The following CLEC19A variants were observed in gnomAD, a reference collection of about 807,000 sequenced individuals.
CLEC19A encodes C-type lectin domain containing 19A, also known as C-type lectin domain family 19 member A.
CLEC19A carries 21 observed loss-of-function variants against 26.1 expected under a neutral mutation model. That is an observed-to-expected ratio of 0.80 (90% CI 0.57 to 1.16). The LOEUF is 1.16. Ranked by LOEUF, CLEC19A falls within the 50% of genes most tolerant of loss-of-function variation. The pLI, the probability that CLEC19A is intolerant of heterozygous loss-of-function variation, is 0.00. For missense variants in CLEC19A, 224 were observed against 227.6 expected, an observed-to-expected ratio of 0.98 and a Z score of 0.10; for synonymous variants, 89 against 88.6, an observed-to-expected ratio of 1.00 and a Z score of -0.03.
At chr16:19,302,888 G>T (rs772819166) in intron 2 of CLEC19A, among the ~76,000 whole-genome samples, 1 of 152,098 alleles carries the variant, frequency 6.6e-6, no homozygotes, top group Non-Finnish European at 1.5e-5. Context: ...TAGAAACTTG[G>T]GTCTTCTCCA....
intron 4 of CLEC19A, among the ~76,000 whole-genome samples, chr16:19,308,346 G>T (rs1484876238): frequency 6.6e-6 from 1 of 152,162 alleles, no homozygotes; most frequent in Non-Finnish European, 1.5e-5. Context: ...CAAAGAGAAT[G>T]CCTTAACCTC....
At chr16:19,299,866 C>A (rs1897780501) in intron 2 of CLEC19A, among the ~76,000 whole-genome samples, 1 of 152,152 alleles carries the variant, frequency 6.6e-6, no homozygotes, top group African/African-American at 2.4e-5. Flanking sequence ...CTTCAAGAAT[C>A]TCAGAAACTA....
chr16:19,307,320 G>A (rs1328414513), intron 3 of CLEC19A, among the ~76,000 whole-genome samples: 2 of 152,184 alleles, frequency 1.3e-5, no homozygotes, highest in African/African-American at 2.4e-5. Context: ...AAAGTTCCTG[G>A]CATGGCACAT....
In CLEC19A at chr16:19,307,680, G is replaced by A; in HGVS notation, c.481+3G>A. 1.3e-6 allele frequency: 2 copies of A among 1,548,122 alleles called. No individual in the cohort carries two copies. Among genetic ancestry groups the A allele is most frequent in the South Asian group, 2.4e-5 (2 of 83,952 alleles). On this transcript the variant is annotated splice_donor_region_variant and intron_variant, in intron 4 of 4. Coordinates refer to ENST00000636231, the MANE Select transcript of CLEC19A (RefSeq NM_001256720.2). ...GATATGGTACAGGCCTACCAGTGGTGGGTACCCCTGAGACCAAGGCTCTTG... is the reference window on the plus strand; with the variant it reads ...GATATGGTACAGGCCTACCAGTGGTAGGTACCCCTGAGACCAAGGCTCTTG...
At chr16:19,308,592 T>C (rs1898004289) in intron 4 of CLEC19A, among the ~76,000 whole-genome samples, 1 of 152,218 alleles carries the variant, frequency 6.6e-6, no homozygotes, top group South Asian at 2.1e-4. Context: ...AGCAACTTGT[T>C]CAAGGTCACA....
At chr16:19,287,704 C>T (rs905730008) in intron 1 of CLEC19A, among the ~76,000 whole-genome samples, 3 of 152,136 alleles carry the variant, frequency 2.0e-5, no homozygotes, top group Admixed American at 6.5e-5. Flanking sequence ...AGCTTGTGCC[C>T]ATGGGACCTC....
At chr16:19,295,055 G>T (rs1897676754) in intron 1 of CLEC19A, among the ~76,000 whole-genome samples, 1 of 152,094 alleles carries the variant, frequency 6.6e-6, no homozygotes, top group Admixed American at 6.5e-5. Flanking sequence ...ACTTCCAGTG[G>T]TGATAACCAA....
At chr16:19,297,088 C>CA (rs900154467) in intron 1 of CLEC19A, among the ~76,000 whole-genome samples, 2 of 151,970 alleles carry the variant, frequency 1.3e-5, no homozygotes, top group South Asian at 2.1e-4. Flanking sequence ...TCGTGGTTTC[C>CA]AAAAAAAGTA....
chr16:19,293,216 C>T (rs1290090549), intron 1 of CLEC19A, among the ~76,000 whole-genome samples: 1 of 152,162 alleles, frequency 6.6e-6, no homozygotes, highest in Non-Finnish European at 1.5e-5. Flanking sequence ...TATCTGATCC[C>T]AGCCAATACT....
chr16:19,289,834 A>C (rs1897545043), intron 1 of CLEC19A, among the ~76,000 whole-genome samples: 1 of 152,218 alleles, frequency 6.6e-6, no homozygotes, highest in African/African-American at 2.4e-5. Flanking sequence ...GAGGTGGTAG[A>C]ACCCGTAGGA....
chr16:19,287,542 A>G (rs1200979392), intron 1 of CLEC19A, among the ~76,000 whole-genome samples: 2 of 152,198 alleles, frequency 1.3e-5, no homozygotes, highest in East Asian at 1.9e-4. Context: ...TCACCAATAC[A>G]ATAAGCAAGT....
At chr16:19,303,674 G>C (rs1897882465) in intron 2 of CLEC19A, among the ~76,000 whole-genome samples, 1 of 152,138 alleles carries the variant, frequency 6.6e-6, no homozygotes, top group African/African-American at 2.4e-5. Context: ...AGTTTAAGGA[G>C]GGTCTCTGAG....
At chr16:19,298,532 C>T in intron 1 of CLEC19A, 141 bp from the exon 2 acceptor site, 3 of 861,460 alleles carry the variant, frequency 3.5e-6, no homozygotes, top group African/African-American at 1.7e-5. Flanking sequence ...AACCACTGCA[C>T]TTCAGCCTGG....
In CLEC19A at chr16:19,298,705, C is replaced by T. The variant is rs1441361021; in HGVS notation, c.121C>T (p.Pro41Ser). The T allele has an allele frequency of 1.9e-6, 3 of 1,551,090 alleles. No individual in the cohort carries two copies. Among genetic ancestry groups the T allele is most frequent in the Non-Finnish European group, 2.6e-6 (3 of 1,147,136 alleles). Residue 41 changes from proline to serine, a missense_variant, in exon 2 of 5, where the codon CCC (proline) becomes TCC (serine). Coordinates refer to ENST00000636231, the MANE Select transcript of CLEC19A (RefSeq NM_001256720.2). ...LPELPLPSLC[P>S]LFWMEFKGHC... is the part of the protein sequence containing the mutation. ...AGAGCTGCCCCTGCCTTCCCTGTGCCCCCTGTTCTGGATGGAGTTCAAAGG... is the reference window on the plus strand; with the variant it reads ...AGAGCTGCCCCTGCCTTCCCTGTGCTCCCTGTTCTGGATGGAGTTCAAAGG...
At chr16:19,295,597 A>G (rs1897690226) in intron 1 of CLEC19A, among the ~76,000 whole-genome samples, 1 of 152,118 alleles carries the variant, frequency 6.6e-6, no homozygotes, top group East Asian at 1.9e-4. Context: ...TAGGGTGCCA[A>G]GTAATTTTAG....
chr16:19,287,659 G>A (rs1897501357), intron 1 of CLEC19A, among the ~76,000 whole-genome samples: 1 of 152,222 alleles, frequency 6.6e-6, no homozygotes, highest in East Asian at 1.9e-4. Flanking sequence ...GAGTTTGAAA[G>A]CGGGAGTAAC....
chr16:19,286,071 C>T (rs1897462564), intron 1 of CLEC19A, 132 bp downstream of exon 1: 3 of 823,234 alleles, frequency 3.6e-6, no homozygotes, highest in Non-Finnish European at 5.8e-6. Flanking sequence ...ACAGCTTTCC[C>T]CCTACCAGCT....
At chr16:19,296,401 T>TC (rs5816042) in intron 1 of CLEC19A, among the ~76,000 whole-genome samples, 96,474 of 152,102 alleles carry the variant, frequency 0.63, 31,730 homozygotes, top group East Asian at 0.92. Context: ...CTGCAGCCCA[T>TC]AGTTTTGGTT....
intron 1 of CLEC19A, among the ~76,000 whole-genome samples, chr16:19,287,763 A>C (rs1001230875): frequency 6.6e-6 from 1 of 152,172 alleles, no homozygotes; most frequent in African/African-American, 2.4e-5. Flanking sequence ...TGGGGATAAC[A>C]AGGGTCCTTA....
Sources: gnomAD v4.1 joint callset for allele counts (sites outside exome capture counted in the v4.1 genomes callset) on GRCh38, gnomAD v4.1.1 for gene constraint, MANE v1.5 for transcripts, NCBI Gene and HGNC (gene_info 2026-07-23, HGNC 2026-07-21) for gene names.